Variants in DENND2C observed in about 807,000 individuals in gnomAD.
DENND2C encodes the protein DENN domain containing 2C.
Under a neutral mutation model 112.4 loss-of-function variants are expected in DENND2C, and 72 were observed. That is an observed-to-expected ratio of 0.64 (90% CI 0.53 to 0.78). The LOEUF is 0.78. DENND2C is among the 30% of genes least tolerant of loss of function. The probability of loss-of-function intolerance (pLI) is 0.00; values close to 1 mark genes in which losing one functional copy is unlikely to be tolerated. For missense variants in DENND2C, 992 were observed against 1,113.8 expected, an observed-to-expected ratio of 0.89 and a Z score of 1.56; for synonymous variants, 329 against 381.6, an observed-to-expected ratio of 0.86 and a Z score of 1.61.
rs1180571339 is a variant in DENND2C at position 114,647,377 on chromosome 1, CA to C, written c.-316-1819del. On this transcript the variant is annotated intron_variant, in intron 2 of 20. Transcript: ENST00000393274. ...CAATGTGATTTTTTTTTTTTTTAGA[CA>C]GAGTCTTGCTCTGTCACCGAGGCTG... Among the ~76,000 whole-genome samples, 11 of 148,962 alleles carry C rather than the reference CA, an allele frequency of 7.4e-5. No homozygotes were observed. In the South Asian group the frequency reaches 1.1e-3, roughly 14 times the overall value.
chr1:114,616,609 C>T (rs994642731), intron 8 of DENND2C, among the ~76,000 whole-genome samples: 1 of 151,920 alleles, frequency 6.6e-6, no homozygotes, highest in Non-Finnish European at 1.5e-5. Context: ...AATCCCAGCA[C>T]TTTGAGAGGC....
At chr1:114,607,818 C>A (rs1301850313) in intron 10 of DENND2C, among the ~76,000 whole-genome samples, 3 of 152,148 alleles carry the variant, frequency 2.0e-5, no homozygotes, top group Non-Finnish European at 4.4e-5. Flanking sequence ...ATGGCATTAG[C>A]ACTATATACA....
At chr1:114,601,612 A>AAC (rs757001538) in intron 12 of DENND2C, 27 bp from the exon 13 acceptor site, 24 of 1,595,312 alleles carry the variant, frequency 1.5e-5, no homozygotes, top group Non-Finnish European at 2.0e-5. Flanking sequence ...ACAACAACAA[A>AAC]AAAATCAAGC....
chr1:114,606,783 C>A (rs921689231), intron 10 of DENND2C, among the ~76,000 whole-genome samples: 3 of 152,168 alleles, frequency 2.0e-5, no homozygotes, highest in African/African-American at 7.2e-5. Flanking sequence ...GTCTGCAATC[C>A]GGTACACAAG....
intron 3 of DENND2C, among the ~76,000 whole-genome samples, chr1:114,640,427 A>G (rs539001360): frequency 6.6e-6 from 1 of 152,332 alleles, no homozygotes; most frequent in African/African-American, 2.4e-5. Flanking sequence ...GTCCTTCTAC[A>G]TCCTAAATGG....
chr1:114,605,469 T>C (rs1655634651), intron 10 of DENND2C, among the ~76,000 whole-genome samples: 1 of 152,154 alleles, frequency 6.6e-6, no homozygotes, highest in Non-Finnish European at 1.5e-5. Context: ...CAAACAATAA[T>C]CAAAGAAGCT....
intron 2 of DENND2C, among the ~76,000 whole-genome samples, chr1:114,649,694 A>G (rs748576410): frequency 3.3e-5 from 5 of 152,208 alleles, no homozygotes; most frequent in Non-Finnish European, 7.3e-5. Context: ...TAGTTTTTAA[A>G]CCACAAATTC....
At chr1:114,625,051 A>G (rs1656290835) in intron 4 of DENND2C, 128 bp downstream of exon 4, 1 of 853,714 alleles carries the variant, frequency 1.2e-6, no homozygotes, top group South Asian at 2.1e-5. Context: ...ATTAATCAAC[A>G]CCTGCATGTT....
chr1:114,587,710 A>C lies in DENND2C; in HGVS notation c.2668+6T>G, dbSNP rs375051143. The stretch of plus-strand genomic sequence containing the variant: ...TAGAGAGGGAGAACTTTATAATGAA[A>C]CTGACCTTTAACTCCACTTTTCCGA... On this transcript the variant is annotated splice_donor_region_variant and intron_variant, in intron 19 of 20. Coordinates refer to ENST00000393274, the MANE Select transcript of DENND2C (RefSeq NM_001256404.2). 7 of 1,599,804 alleles carry C rather than the reference A, an allele frequency of 4.4e-6. No individual in the cohort carries two copies. The African/African-American group carries it at 9.4e-5, about 22-fold the overall frequency.
chr1:114,587,826 C>T lies in DENND2C; in HGVS notation c.2558G>A (p.Arg853His), dbSNP rs1217079690. The T allele has an allele frequency of 3.7e-6, 6 of 1,614,094 alleles. No homozygotes were observed. The highest frequency in any genetic ancestry group is 2.2e-5 in the East Asian group (1 of 44,874). ...TACACTTCGGGAGGTGTGGGACTTA[C>T]GGAATGGTTCCCTTTGGAAAACACG... ...GERVFQREPF[R>H]KSHTSRSVRH... Residue 853 changes from arginine (R) to histidine (H), a missense_variant, in exon 19 of 21, where the codon CGT becomes CAT. This residue lies in a region of DENND2C where 516 missense variants were observed against 623.6 expected (regional missense o/e 0.83). Coordinates refer to ENST00000393274, the MANE Select transcript of DENND2C (RefSeq NM_001256404.2).
chr1:114,668,276 T>C (rs1657699731), intron 1 of DENND2C, among the ~76,000 whole-genome samples: 1 of 152,186 alleles, frequency 6.6e-6, no homozygotes, highest in Non-Finnish European at 1.5e-5. Context: ...TGCTGAAACA[T>C]GTTTAAGTAA....
rs926027650 is a variant in DENND2C, at chr1:114,599,681, G to T, written c.2106-230C>A. Among the ~76,000 whole-genome samples the T allele has an allele frequency of 3.4e-4, 51 of 152,180 alleles. 1 individual carries two copies. Among genetic ancestry groups the T allele is most frequent in the Admixed American group, 6.5e-4 (10 of 15,282 alleles). ...ACAATTTCTCATGCGAAAAATTAGT[G>T]TACTTAGAAAAGTATTACCAACTTT... On this transcript the variant is annotated intron_variant, in intron 15 of 20. Transcript: ENST00000393274.
rs968259537 is a variant in DENND2C at position 114,652,664 on chromosome 1, T to C, written c.-317+1841A>G. Among the ~76,000 whole-genome samples, 66 of 4,884 alleles carry C rather than the reference T, an allele frequency of 0.014. No individual in the cohort carries two copies. In the African/African-American group the frequency reaches 0.18, roughly 13 times the overall value. The allele number at this position is 4,884 out of a possible 152,430, so 3.2% of individuals were successfully genotyped here. On this transcript the variant is annotated intron_variant, in intron 2 of 20. Transcript: ENST00000393274. Reference sequence around the variant, plus strand: ...ACAACTTATAGCCTTACATTTACTTTTTTTTTTTTTTTTTTTTTTTTTTAA... The same window carrying C: ...ACAACTTATAGCCTTACATTTACTTCTTTTTTTTTTTTTTTTTTTTTTTAA...
At position 114,640,189 on chromosome 1, in the gene DENND2C, T is replaced by A. The variant is rs1656785644; in HGVS notation, c.-205+5259A>T. Among the ~76,000 whole-genome samples the A allele has an allele frequency of 3.9e-5, 6 of 152,224 alleles. 1 individual carries two copies. The South Asian group carries it at 1.2e-3, about 31-fold the overall frequency. On this transcript the variant is annotated intron_variant, in intron 3 of 20. Coordinates refer to ENST00000393274, the MANE Select transcript of DENND2C (RefSeq NM_001256404.2). ...CTTGTCTGATTTTCCCTTGGCTCCATAAAGTCTTACCATCTATGTCAGAGC... is the reference window on the plus strand; with the variant it reads ...CTTGTCTGATTTTCCCTTGGCTCCAAAAAGTCTTACCATCTATGTCAGAGC...
intron 20 of DENND2C, 58 bp downstream of exon 20, chr1:114,587,329 G>A (rs1201709111): frequency 3.8e-6 from 6 of 1,584,790 alleles, no homozygotes; most frequent in Non-Finnish European, 5.2e-6. Flanking sequence ...TTACAGGCAT[G>A]AGCCACCGCG....
intron 1 of DENND2C, among the ~76,000 whole-genome samples, chr1:114,657,206 T>C (rs1657358155): frequency 6.6e-6 from 1 of 152,266 alleles, no homozygotes; most frequent in African/African-American, 2.4e-5. Flanking sequence ...TGGTATGTAG[T>C]AGCATCTCAC....
In DENND2C at chr1:114,626,150, T is replaced by C; in HGVS notation, c.-166A>G. Reference sequence around the variant, plus strand: ...GTAAAAAGAAAATTTTGATCAGTGATCCTTGTTGAAAATGGCTACAACCTG... The same window carrying C: ...GTAAAAAGAAAATTTTGATCAGTGACCCTTGTTGAAAATGGCTACAACCTG... On this transcript the variant is annotated 5_prime_UTR_variant, in exon 4 of 21. Coordinates refer to ENST00000393274, the MANE Select transcript of DENND2C (RefSeq NM_001256404.2). The C allele has an allele frequency of 1.5e-6, 1 of 661,866 alleles. No individual in the cohort carries two copies. The allele number at this position is 661,866 out of a possible 1,614,324, so 41.0% of individuals were successfully genotyped here.
chr1:114,593,539 C>A (rs1033704935), intron 18 of DENND2C, among the ~76,000 whole-genome samples: 1 of 152,120 alleles, frequency 6.6e-6, no homozygotes, highest in Non-Finnish European at 1.5e-5. Context: ...AATTCCAGTG[C>A]TTTGTGAGGC....
chr1:114,637,126 C>T (rs1418999640), intron 3 of DENND2C, among the ~76,000 whole-genome samples: 1 of 149,682 alleles, frequency 6.7e-6, no homozygotes, highest in Non-Finnish European at 1.5e-5. Context: ...CTTAGCTAGG[C>T]GTGGTGGTGC....
Sources: allele counts gnomAD v4.1 joint callset (sites outside exome capture counted in the v4.1 genomes callset), GRCh38; gene constraint gnomAD v4.1.1; regional missense constraint gnomAD v4.1.1; transcripts MANE v1.5; gene names NCBI Gene and HGNC (gene_info 2026-07-23, HGNC 2026-07-21).